Variants in EXOC2 observed in about 807,000 individuals in gnomAD.
The protein encoded by EXOC2 is SEC5-like 1.
Under a neutral mutation model 131.8 loss-of-function variants are expected in EXOC2, and 70 were observed. That is an observed-to-expected ratio of 0.53 (90% confidence interval 0.44 to 0.65). The LOEUF (loss-of-function observed/expected upper bound fraction) is 0.65. Among genes scored for constraint, EXOC2 ranks in the 30% least tolerant of loss-of-function variants. The probability of loss-of-function intolerance (pLI) is 0.00; values close to 1 mark genes in which losing one functional copy is unlikely to be tolerated. For missense variants in EXOC2, 923 were observed against 1,108.6 expected (o/e 0.83, Z 2.38); for synonymous variants, 411 against 398.4 (o/e 1.03, Z -0.38).
At chr6:647,900 T>C (rs1762650562) in intron 1 of EXOC2, among the ~76,000 whole-genome samples, 1 of 151,946 alleles carries the variant, frequency 6.6e-6, no homozygotes, top group Non-Finnish European at 1.5e-5. Context: ...AATCAAAAAG[T>C]CTGATCTACT....
chr6:610,238 C>A, intron 6 of EXOC2, 60 bp from the exon 7 acceptor site: 1 of 1,359,586 alleles, frequency 7.4e-7, no homozygotes, highest in South Asian at 1.2e-5. Context: ...TACATTAAAT[C>A]AAAATGATAT....
Position 617,811 on chromosome 6 carries a change from G to A in EXOC2, c.561C>T (p.Val187=), listed in dbSNP as rs757640287. 3.1e-6 allele frequency: 5 copies of A among 1,613,340 alleles called. No homozygotes were observed. Among genetic ancestry groups the A allele is most frequent in the Admixed American group, 1.7e-5 (1 of 59,896 alleles). ...TGTTAGCCTGTCTCTTTAGGTTGGT[G>A]ACTGCCATTTTGAGCTGCTCAAAAC... ...NTSFEQLKMA[V]TNLKRQANKK... Residue 187 remains valine (V), a synonymous_variant, in exon 6 of 28, where the codon GTC becomes GTT. Coordinates refer to ENST00000230449, the MANE Select transcript of EXOC2 (RefSeq NM_018303.6).
intron 27 of EXOC2, 135 bp from the exon 28 acceptor site, chr6:486,899 T>A: frequency 1.6e-6 from 1 of 608,132 alleles, no homozygotes; most frequent in Non-Finnish European, 2.9e-6. Context: ...GTTCTACCTA[T>A]GGATCCTTAA....
intron 23 of EXOC2, among the ~76,000 whole-genome samples, chr6:527,590 T>C (rs1765819259): frequency 6.6e-6 from 1 of 152,260 alleles, no homozygotes; most frequent in Non-Finnish European, 1.5e-5. Context: ...GGCACACCAC[T>C]GACGGGCAGG....
At chr6:660,182 C>T (rs1478650323) in intron 1 of EXOC2, among the ~76,000 whole-genome samples, 5 of 150,922 alleles carry the variant, frequency 3.3e-5, no homozygotes, top group African/African-American at 4.9e-5. Context: ...ACCCATCCCC[C>T]CCAACCCGAT....
At position 491,171 on chromosome 6, in the gene EXOC2, A is replaced by G. The variant is rs1327776249; in HGVS notation, c.2575T>C (p.Cys859Arg). The change falls in exon 26 of 28, where the codon TGT becomes CGT. Residue 859 changes from cysteine to arginine, a missense_variant. Cys to Arg is a radical substitution (Grantham distance 180, BLOSUM62 -3). Coordinates refer to ENST00000230449, the MANE Select transcript of EXOC2 (RefSeq NM_018303.6). ...ACAGCCACAGTGTCCCTCAAAGCAC[A>G]GATTTCAAGTCTCGCCTGAAAATGA... ...NGALQARLEI[C>R]ALRDTVAVYL... is the part of the protein sequence containing the mutation. 1 of 1,614,108 alleles carries G rather than the reference A, an allele frequency of 6.2e-7. No individual in the cohort carries two copies. Among genetic ancestry groups the G allele is most frequent in the Non-Finnish European group, 8.5e-7 (1 of 1,180,048 alleles).
chr6:524,072 C>T (rs1419691396), intron 23 of EXOC2: 1 of 152,070 alleles, frequency 6.6e-6, no homozygotes, highest in Non-Finnish European at 1.5e-5. Context: ...GAGGGGGTAG[C>T]TCTGCTTATG....
intron 4 of EXOC2, among the ~76,000 whole-genome samples, chr6:626,489 G>A (rs911156512): frequency 3.9e-5 from 6 of 152,152 alleles, no homozygotes; most frequent in African/African-American, 7.2e-5. Context: ...ACGCTAGACC[G>A]TCAGCTGTCG....
chr6:572,420 T>C lies in EXOC2; in HGVS notation c.1443+100A>G, dbSNP rs1356439173. ...TAAACTATGACGATGGCTAGAGATGTTGGGCCTCTACATTTTAAAAAATCA... is the reference window on the plus strand; with the variant it reads ...TAAACTATGACGATGGCTAGAGATGCTGGGCCTCTACATTTTAAAAAATCA... On this transcript the variant is annotated intron_variant, in intron 13 of 27. Coordinates refer to ENST00000230449, the MANE Select transcript of EXOC2 (RefSeq NM_018303.6). 10 of 1,408,254 alleles carry C rather than the reference T, an allele frequency of 7.1e-6. No homozygotes were observed. In the East Asian group the frequency reaches 1.9e-4, roughly 26 times the overall value. 87.2% of individuals were successfully genotyped at this position (1,408,254 alleles called of 1,614,324 possible).
chr6:548,645 C>G lies in EXOC2; in HGVS notation c.2238+530G>C, dbSNP rs146076559. Among the ~76,000 whole-genome samples, 829 of 152,272 alleles carry G rather than the reference C, an allele frequency of 5.4e-3. 8 individuals are homozygous for G. The highest frequency in any genetic ancestry group is 8.0e-3 in the Non-Finnish European group (544 of 68,024). Reference sequence around the variant, plus strand: ...ATTTTTCAGGTAGGATGCAGAGCATCCTGCAGCTGTTCTGAGCCAGCGGCT... The same window carrying G: ...ATTTTTCAGGTAGGATGCAGAGCATGCTGCAGCTGTTCTGAGCCAGCGGCT... On this transcript the variant is annotated intron_variant, in intron 22 of 27. Coordinates refer to ENST00000230449, the MANE Select transcript of EXOC2 (RefSeq NM_018303.6).
At chr6:526,110 A>C (rs1765718932) in intron 23 of EXOC2, among the ~76,000 whole-genome samples, 1 of 152,246 alleles carries the variant, frequency 6.6e-6, no homozygotes, top group African/African-American at 2.4e-5. Context: ...ATTTCTAAGT[A>C]AATTCTATAC....
intron 22 of EXOC2, among the ~76,000 whole-genome samples, chr6:535,843 G>T (rs1482997448): frequency 6.6e-6 from 1 of 151,888 alleles, no homozygotes; most frequent in Non-Finnish European, 1.5e-5. Flanking sequence ...GATATTGTAA[G>T]AAAAAAATCA....
intron 25 of EXOC2, among the ~76,000 whole-genome samples, chr6:494,485 C>T (rs1763605701): frequency 6.6e-6 from 1 of 151,172 alleles, no homozygotes; most frequent in South Asian, 2.1e-4. Flanking sequence ...ACACAACAGA[C>T]AAATCTCGAA....
chr6:515,589 C>G (rs1053303070), intron 23 of EXOC2, among the ~76,000 whole-genome samples: 1 of 151,142 alleles, frequency 6.6e-6, no homozygotes, highest in Non-Finnish European at 1.5e-5. Flanking sequence ...TAGGAGGGAG[C>G]GAGAAGCCAG....
chr6:532,240 T>C lies in EXOC2; in HGVS notation c.2380+229A>G, dbSNP rs188814410. 2.8e-4 allele frequency among the ~76,000 whole-genome samples: 42 copies of C among 152,368 alleles called. No homozygotes were observed. The East Asian group carries it at 7.5e-3, about 27-fold the overall frequency. On this transcript the variant is annotated intron_variant, in intron 23 of 27. Coordinates refer to ENST00000230449, the MANE Select transcript of EXOC2 (RefSeq NM_018303.6). ...AACGATCAATTATTACAAGTTATCA[T>C]TAATTATTCTCTAGAATTTAAGAAC...
At chr6:518,469 T>A (rs1364775762) in intron 23 of EXOC2, among the ~76,000 whole-genome samples, 1 of 152,256 alleles carries the variant, frequency 6.6e-6, no homozygotes, top group Non-Finnish European at 1.5e-5. Flanking sequence ...AGTTTATAGC[T>A]ATCAATTTAA....
intron 1 of EXOC2, chr6:656,769 C>A (rs1277098746): frequency 3.8e-6 from 6 of 1,592,604 alleles, no homozygotes; most frequent in Non-Finnish European, 5.1e-6. Flanking sequence ...GGCCCCCTGC[C>A]GCACCTCGCA....
chr6:525,104 T>G (rs1765674174), intron 23 of EXOC2: 1 of 152,238 alleles, frequency 6.6e-6, no homozygotes, highest in African/African-American at 2.4e-5. Flanking sequence ...GTGGAACGGT[T>G]AGTCTGATAA....
Position 491,132 on chromosome 6 carries a change from C to T in EXOC2, c.2614G>A (p.Glu872Lys), listed in dbSNP as rs368272774. The change falls in exon 26 of 28, where the codon GAA (glutamate) becomes AAA (lysine). Residue 872 changes from glutamate to lysine, a missense_variant. Physicochemically the swap from Glu to Lys is moderately conservative, Grantham distance 56. Transcript: ENST00000230449. Reference protein sequence around the residue: ...RDTVAVYLTPESKSSFKQALE... With the variant: ...RDTVAVYLTPKSKSSFKQALE... ...AAGAACACTGCCACTTACTTGCTTT[C>T]GGGTGTCAGGTAAACAGCCACAGTG... 21 of 1,613,974 alleles carry T rather than the reference C, an allele frequency of 1.3e-5. No individual in the cohort carries two copies. Among genetic ancestry groups the T allele is most frequent in the Middle Eastern group, 1.6e-4 (1 of 6,084 alleles).
Sources: allele counts gnomAD v4.1 joint callset (sites outside exome capture counted in the v4.1 genomes callset), GRCh38; gene constraint gnomAD v4.1.1; transcripts MANE v1.5; gene names NCBI Gene and HGNC (gene_info 2026-07-23, HGNC 2026-07-21).